Variants in ADCY9 observed in about 807,000 individuals in gnomAD.
ADCY9 encodes adenylate cyclase type 9.
In ADCY9, 50 loss-of-function variants were observed where a neutral mutation model predicts 101.5. The observed-to-expected ratio is 0.49, with a 90% confidence interval of 0.39 to 0.62. The LOEUF (loss-of-function observed/expected upper bound fraction) is 0.62. ADCY9 is among the 20% of genes least tolerant of loss of function. The pLI, the probability that ADCY9 is intolerant of heterozygous loss-of-function variation, is 0.00. For synonymous variants in ADCY9, 905 were observed against 769.3 expected (o/e 1.18, Z -2.92); for missense variants, 1,662 against 1,800.4 (o/e 0.92, Z 1.39).
At chr16:4,102,727 G>C (rs902726114) in intron 2 of ADCY9, among the ~76,000 whole-genome samples, 4 of 150,482 alleles carry the variant, frequency 2.7e-5, no homozygotes, top group African/African-American at 9.8e-5. Flanking sequence ...GCCCAGCCAT[G>C]TGTTTGTTTT....
chr16:4,038,227 G>A (rs1442738297), intron 2 of ADCY9, among the ~76,000 whole-genome samples: 1 of 151,486 alleles, frequency 6.6e-6, no homozygotes, highest in African/African-American at 2.4e-5. Context: ...GCTGCAGTGA[G>A]CCGTGATTGC....
Position 3,966,376 on chromosome 16 carries a change from T to C in ADCY9, c.3461A>G (p.Asn1154Ser), listed in dbSNP as rs61731445. Residue 1154 changes from asparagine (N) to serine (S), a missense_variant, in exon 11 of 11, where the codon AAC (asparagine) becomes AGC (serine). By Grantham distance (46) the Asn-to-Ser change is conservative. Around this residue, in one of 5 missense-constraint regions of ADCY9, gnomAD observed 220 missense variants for 312.9 expected, o/e 0.70. Transcript: ENST00000294016. Reference protein sequence around the residue: ...EMMRVVDDFNNNMLWFNFKLR... With the variant: ...EMMRVVDDFNSNMLWFNFKLR... ...CTTGAAGTTGAACCACAGCATGTTGTTGTTGAAGTCGTCCACCACGCGCAT... is the reference window on the plus strand; with the variant it reads ...CTTGAAGTTGAACCACAGCATGTTGCTGTTGAAGTCGTCCACCACGCGCAT... 94,937 of 1,614,034 alleles carry C rather than the reference T, an allele frequency of 0.059. 3,160 individuals are homozygous for C. Among genetic ancestry groups the C allele is most frequent in the Admixed American group, 0.1 (6,104 of 60,016 alleles).
rs1044005542 is a variant in ADCY9 at position 3,963,916 on chromosome 16, C to T, written c.*1859G>A. 5 of 152,592 alleles carry T rather than the reference C, an allele frequency of 3.3e-5. No individual in the cohort carries two copies. Among genetic ancestry groups the T allele is most frequent in the Admixed American group, 6.5e-5 (1 of 15,272 alleles). The allele number at this position is 152,592 out of a possible 1,614,324, so 9.5% of individuals were successfully genotyped here. ...GGTATTGTCACAACCACCCTTTCTT[C>T]GGTATTGGAAGACCAGCAAACTGAC... On this transcript the variant is annotated 3_prime_UTR_variant, in exon 11 of 11. Coordinates refer to ENST00000294016, the MANE Select transcript of ADCY9 (RefSeq NM_001116.4).
At chr16:4,026,276 T>G (rs2056514138) in intron 2 of ADCY9, among the ~76,000 whole-genome samples, 1 of 151,768 alleles carries the variant, frequency 6.6e-6, no homozygotes, top group Non-Finnish European at 1.5e-5. Context: ...AATACAAAAA[T>G]TAGCTGGGCA....
rs112278827 is a variant in ADCY9, at chr16:3,992,331, G to A, written c.2022C>T (p.Asn674=). Reference sequence around the variant, plus strand: ...CCTCTTGGGGAGGGCTGAGGAGCCCGTTCTGAGTTTTGGGATTAGGTCCTC... The same window carrying A: ...CCTCTTGGGGAGGGCTGAGGAGCCCATTCTGAGTTTTGGGATTAGGTCCTC... The part of the protein sequence containing the change: ...ASGGPNPKTQ[N]GLLSPPQEEK... Residue 674 remains asparagine (N), a synonymous_variant, in exon 5 of 11, where the codon AAC becomes AAT. Transcript: ENST00000294016. The surrounding 1 kb of genome is among the most constrained non-coding windows in gnomAD (Gnocchi z 4.2). The A allele has an allele frequency of 1.1e-4, 170 of 1,614,064 alleles. No homozygotes were observed. The African/African-American group carries it at 1.6e-3, about 16-fold the overall frequency.
chr16:4,109,667 C>T (rs1198935687), intron 2 of ADCY9, among the ~76,000 whole-genome samples: 2 of 152,196 alleles, frequency 1.3e-5, no homozygotes, highest in Non-Finnish European at 1.5e-5. Flanking sequence ...TTAAATCTGG[C>T]TTGCAGTCCC....
At chr16:4,064,553 G>A (rs1466423737) in intron 2 of ADCY9, among the ~76,000 whole-genome samples, 2 of 152,146 alleles carry the variant, frequency 1.3e-5, no homozygotes, top group Non-Finnish European at 2.9e-5. Context: ...GCTCACTGCA[G>A]CCTCAGTTTC....
At chr16:3,960,501 G>C (rs969919936), downstream of ADCY9, among the ~76,000 whole-genome samples, 1 of 152,080 alleles carries the variant, frequency 6.6e-6, no homozygotes, top group African/African-American at 2.4e-5. Flanking sequence ...CAGCCTGGGC[G>C]AGAGAGCCAG....
intron 2 of ADCY9, among the ~76,000 whole-genome samples, chr16:4,062,776 G>C (rs2056780269): frequency 1.3e-5 from 2 of 152,146 alleles, no homozygotes; most frequent in Admixed American, 1.3e-4. Flanking sequence ...AACAATAAAA[G>C]GGTCAACTCA....
At chr16:4,046,294 C>T (rs1332646444) in intron 2 of ADCY9, among the ~76,000 whole-genome samples, 6 of 152,204 alleles carry the variant, frequency 3.9e-5, no homozygotes, top group African/African-American at 1.4e-4. Context: ...GTGCCCAGCA[C>T]TGAACCATAG....
chr16:3,975,129 G>A (rs1024208224), intron 9 of ADCY9, among the ~76,000 whole-genome samples: 4 of 152,114 alleles, frequency 2.6e-5, no homozygotes, highest in African/African-American at 9.7e-5. Context: ...GAAAAGCCCC[G>A]CAGCCATGAC....
chr16:4,035,998 CAAAAAAAAAAAAAAAAA>C (rs55792873), intron 2 of ADCY9, among the ~76,000 whole-genome samples: 3 of 23,168 alleles, frequency 1.3e-4, no homozygotes, highest in South Asian at 8.8e-3. Context: ...AACTCCATCT[CAAAAAAAAAAAAAAAAA>C]AAAAAAAAAA....
In ADCY9 at chr16:4,115,359, C is replaced by A. The variant is rs1288963179; in HGVS notation, c.84G>T (p.Val28=). Residue 28 remains valine, a synonymous_variant, in exon 2 of 11, where the codon GTG becomes GTT. Transcript: ENST00000294016. This position sits in a 1 kb window ranked among gnomAD's most constrained non-coding sequence, Gnocchi z 6.2. ...SCDSSGDSNS[V]RVKINPKQLS... ...GCTGCTTGGGGTTGATCTTGACGCG[C>A]ACGCTGTTGCTGTCCCCGCTGGAGT... The A allele has an allele frequency of 8.7e-6, 14 of 1,611,120 alleles. No individual in the cohort carries two copies. The highest frequency in any genetic ancestry group is 1.2e-5 in the Non-Finnish European group (14 of 1,178,992).
At chr16:3,957,790 G>C (rs1012795893), downstream of ADCY9, among the ~76,000 whole-genome samples, 1 of 152,144 alleles carries the variant, frequency 6.6e-6, no homozygotes, top group Non-Finnish European at 1.5e-5. Context: ...TGAGCAGAGC[G>C]GGGTGTCAGG....
intron 8 of ADCY9, among the ~76,000 whole-genome samples, chr16:3,978,333 C>T (rs1368133953): frequency 6.6e-6 from 1 of 151,906 alleles, no homozygotes; most frequent in Non-Finnish European, 1.5e-5. Flanking sequence ...ACCATCAGCC[C>T]GCCCGGAAGC....
At chr16:4,007,589 G>T in intron 2 of ADCY9, 31 bp from the exon 3 acceptor site, 2 of 1,559,500 alleles carry the variant, frequency 1.3e-6, no homozygotes, top group South Asian at 2.4e-5. Flanking sequence ...AGTCAGCACA[G>T]ATTGAAAGCA....
At chr16:4,110,578 C>T (rs1029095447) in intron 2 of ADCY9, among the ~76,000 whole-genome samples, 3 of 151,882 alleles carry the variant, frequency 2.0e-5, no homozygotes, top group East Asian at 1.9e-4. Flanking sequence ...TTAGTAGAGA[C>T]GGGGTTTCAC....
At chr16:4,087,387 T>A (rs924909915) in intron 2 of ADCY9, among the ~76,000 whole-genome samples, 1 of 151,592 alleles carries the variant, frequency 6.6e-6, no homozygotes, top group Non-Finnish European at 1.5e-5. Flanking sequence ...ATACAAAAAA[T>A]TAGCCACATG....
At chr16:3,972,358 T>G (rs1333228507) in intron 10 of ADCY9, among the ~76,000 whole-genome samples, 2 of 151,528 alleles carry the variant, frequency 1.3e-5, no homozygotes, top group Admixed American at 1.3e-4. Context: ...GCCTCCCGAG[T>G]AGCTGGGATT....
Sources: gnomAD v4.1 joint callset for allele counts (sites outside exome capture counted in the v4.1 genomes callset) on GRCh38, gnomAD v4.1.1 for gene constraint, gnomAD v4.1.1 regional missense constraint, Gnocchi (gnomAD v3.1) non-coding constraint, MANE v1.5 for transcripts, NCBI Gene and HGNC (gene_info 2026-07-23, HGNC 2026-07-21) for gene names.